The following BRAP variants were observed in gnomAD, a reference collection of about 807,000 sequenced individuals.
BRAP encodes BRCA1 associated protein.
Under a neutral mutation model 73.4 loss-of-function variants are expected in BRAP, and 42 were observed. That is an observed-to-expected ratio of 0.57 (90% CI 0.45 to 0.74). The LOEUF is 0.74. BRAP is among the 30% of genes least tolerant of loss of function. The pLI, the probability that BRAP is intolerant of heterozygous loss-of-function variation, is 0.00. For synonymous variants in BRAP, 255 were observed against 267.4 expected, an observed-to-expected ratio of 0.95 and a Z score of 0.45; for missense variants, 593 against 751.4, an observed-to-expected ratio of 0.79 and a Z score of 2.46.
intron 6 of BRAP, among the ~76,000 whole-genome samples, chr12:111,664,046 A>AT (rs1353008543): frequency 6.6e-6 from 1 of 152,160 alleles, no homozygotes; most frequent in Non-Finnish European, 1.5e-5. Context: ...AATACTGGGG[A>AT]TGGGTATCGT....
At chr12:111,679,889 A>C (rs1262496857) in intron 3 of BRAP, among the ~76,000 whole-genome samples, 1 of 151,438 alleles carries the variant, frequency 6.6e-6, no homozygotes, top group Non-Finnish European at 1.5e-5. Flanking sequence ...AAAAAAAAAA[A>C]AAAAAAAAAA....
intron 4 of BRAP, among the ~76,000 whole-genome samples, chr12:111,676,029 CT>C (rs34237283): frequency 2.1e-4 from 32 of 151,072 alleles, no homozygotes; most frequent in South Asian, 1.3e-3. Flanking sequence ...CACACCCCCC[CT>C]TTTTTTTTGA....
At chr12:111,680,344 T>A (rs1887552801) in intron 3 of BRAP, among the ~76,000 whole-genome samples, 1 of 152,080 alleles carries the variant, frequency 6.6e-6, no homozygotes, top group African/African-American at 2.4e-5. Context: ...AAGAAAATCC[T>A]CCCACAATGC....
chr12:111,644,588 A>C, intron 11 of BRAP, 26 bp from the exon 12 acceptor site: 1 of 1,605,092 alleles, frequency 6.2e-7, no homozygotes, highest in Non-Finnish European at 8.5e-7. Flanking sequence ...GGAAGACAAA[A>C]GCACATTTTT....
rs1656896790 is a variant in BRAP at position 111,665,604 on chromosome 12, G to A, written c.896+35C>T. 2 of 1,610,232 alleles carry A rather than the reference G, an allele frequency of 1.2e-6. No homozygotes were observed. The highest frequency in any genetic ancestry group is 2.2e-5 in the East Asian group (1 of 44,842). ...TTTAATTCTGGAAGGGTTGCAATGG[G>A]CTTGTACACAGAGGGGTTCGGCCCC... On this transcript the variant is annotated intron_variant, in intron 6 of 11. Transcript: ENST00000419234. The surrounding 1 kb of genome is among the most constrained non-coding windows in gnomAD (Gnocchi z 4.3).
intron 1 of BRAP, among the ~76,000 whole-genome samples, chr12:111,685,261 T>C (rs542780193): frequency 6.6e-6 from 1 of 152,358 alleles, no homozygotes; most frequent in South Asian, 2.1e-4. Context: ...AGGTGCTTAG[T>C]ACAGTGCTGG....
In BRAP at chr12:111,683,165, C is replaced by T; in HGVS notation, c.225G>A (p.Glu75=). 1 of 1,613,834 alleles carries T rather than the reference C, an allele frequency of 6.2e-7. No individual in the cohort carries two copies. Among genetic ancestry groups the T allele is most frequent in the Non-Finnish European group, 8.5e-7 (1 of 1,179,934 alleles). The change falls in exon 2 of 12, where the codon GAG becomes GAA. Residue 75 remains glutamate, a synonymous_variant. Coordinates refer to ENST00000419234, the MANE Select transcript of BRAP (RefSeq NM_006768.5). The stretch of plus-strand genomic sequence containing the variant: ...GCATACCTGGGTTGGACTTCATGGT[C>T]TCAATGATCACATCTGTCATTTCTC... ...GRREMTDVII[E]TMKSNPDELK... is the part of the protein sequence containing the mutation.
chr12:111,659,371 T>C, intron 7 of BRAP, 26 bp from the exon 8 acceptor site: 1 of 1,597,490 alleles, frequency 6.3e-7, no homozygotes, highest in Non-Finnish European at 8.6e-7. Flanking sequence ...AGATCTTAAT[T>C]AGTTAAATAA....
chr12:111,670,970 C>T (rs7978775), intron 5 of BRAP, among the ~76,000 whole-genome samples: 1 of 152,118 alleles, frequency 6.6e-6, no homozygotes, highest in Admixed American at 6.5e-5. Context: ...AGTGATGGCG[C>T]ATGCCTATAG....
In BRAP at chr12:111,658,846, C is replaced by G; in HGVS notation, c.1112-1G>C. The G allele has an allele frequency of 6.3e-7, 1 of 1,597,446 alleles. No homozygotes were observed. Among genetic ancestry groups the G allele is most frequent in the South Asian group, 1.1e-5 (1 of 90,398 alleles). Reference sequence around the variant, plus strand: ...GCAACCAGTCGATGAACATAGTTATCTACAGAAAGAGTCAACAAAAGTGTG... The same window carrying G: ...GCAACCAGTCGATGAACATAGTTATGTACAGAAAGAGTCAACAAAAGTGTG... On this transcript the variant is annotated splice_acceptor_variant, in intron 8 of 11. Transcript: ENST00000419234. LOFTEE classifies it high-confidence loss of function.
At chr12:111,664,964 G>A (rs1327343464) in intron 6 of BRAP, among the ~76,000 whole-genome samples, 1 of 152,130 alleles carries the variant, frequency 6.6e-6, no homozygotes, top group Non-Finnish European at 1.5e-5. Flanking sequence ...TTATTTACTT[G>A]TGTGATTTCA....
chr12:111,662,546 G>A (rs931881320), intron 6 of BRAP, among the ~76,000 whole-genome samples: 2 of 150,680 alleles, frequency 1.3e-5, no homozygotes, highest in African/African-American at 2.4e-5. Flanking sequence ...GCGAAACTCC[G>A]TCTAAAAAAA....
chr12:111,645,017 A>G (rs770596772), intron 11 of BRAP, among the ~76,000 whole-genome samples: 8 of 151,866 alleles, frequency 5.3e-5, no homozygotes, highest in Non-Finnish European at 1.2e-4. Context: ...TCGGCCTTCC[A>G]AAGTACTGGG....
chr12:111,680,352 T>C (rs1887553373), intron 3 of BRAP, among the ~76,000 whole-genome samples: 1 of 152,020 alleles, frequency 6.6e-6, no homozygotes, highest in Non-Finnish European at 1.5e-5. Flanking sequence ...CCTCCCACAA[T>C]GCAATTTGTT....
intron 5 of BRAP, among the ~76,000 whole-genome samples, chr12:111,671,839 T>A (rs561542617): frequency 1.3e-5 from 2 of 151,818 alleles, no homozygotes; most frequent in Non-Finnish European, 2.9e-5. Context: ...GTGCTCAGCA[T>A]CACACCTGGC....
At chr12:111,682,497 CAA>C (rs11366915) in intron 2 of BRAP, among the ~76,000 whole-genome samples, 6,090 of 77,964 alleles carry the variant, frequency 0.078, 89 homozygotes, top group South Asian at 0.11. Context: ...GAGACTGTCT[CAA>C]AAAAAAAAAA....
rs1886902761 is a variant in BRAP at position 111,665,441 on chromosome 12, A to G, written c.896+198T>C. Among the ~76,000 whole-genome samples the G allele has an allele frequency of 6.6e-6, 1 of 152,120 alleles. No individual in the cohort carries two copies. Among genetic ancestry groups the G allele is most frequent in the Admixed American group, 6.5e-5 (1 of 15,270 alleles). The stretch of plus-strand genomic sequence containing the variant: ...CTCATGCTGCTTTGGGGAATTCCAC[A>G]AGGGTTCAGAATCAGCATACTAAAA... On this transcript the variant is annotated intron_variant, in intron 6 of 11. Transcript: ENST00000419234. This position sits in a 1 kb window ranked among gnomAD's most constrained non-coding sequence, Gnocchi z 4.3.
chr12:111,675,261 C>CA (rs910377365), intron 4 of BRAP, among the ~76,000 whole-genome samples: 27 of 147,976 alleles, frequency 1.8e-4, no homozygotes, highest in South Asian at 6.4e-4. Context: ...ACCTTGTCTC[C>CA]AAAAAAAATA....
chr12:111,662,751 A>C (rs1457146390), intron 6 of BRAP, among the ~76,000 whole-genome samples: 2 of 152,182 alleles, frequency 1.3e-5, no homozygotes, highest in African/African-American at 4.8e-5. Context: ...AATGGTAGCC[A>C]GAAAGCAGAA....
Sources: allele counts gnomAD v4.1 joint callset (sites outside exome capture counted in the v4.1 genomes callset), GRCh38; gene constraint gnomAD v4.1.1; non-coding constraint Gnocchi (gnomAD v3.1); transcripts MANE v1.5; gene names NCBI Gene and HGNC (gene_info 2026-07-23, HGNC 2026-07-21).